The following FGF12 variants were observed in gnomAD, a reference collection of about 807,000 sequenced individuals.
FGF12 encodes fibroblast growth factor 12.
In FGF12, 14 loss-of-function variants were observed where a neutral mutation model predicts 23.6. That is an observed-to-expected ratio of 0.59 (90% CI 0.39 to 0.93). The LOEUF is 0.93. Among genes scored for constraint, FGF12 ranks in the 40% least tolerant of loss-of-function variants. FGF12 has a pLI of 0.00. For missense variants in FGF12, 175 were observed against 217.8 expected (o/e 0.80, Z 1.24); for synonymous variants, 62 against 77.3 (o/e 0.80, Z 1.04).
Position 192,239,982 on chromosome 3 carries a change from G to A in FGF12, c.229-69326C>T, listed in dbSNP as rs79538818. On this transcript the variant is annotated intron_variant, in intron 4 of 5. Transcript: ENST00000445105. ...TGTATTAGACACTATGGGTGCAGGG[G>A]GGAAGATCCCAGAAATAATAGTCTT... Among the ~76,000 whole-genome samples the A allele has an allele frequency of 6.6e-3, 1,008 of 152,242 alleles. 4 individuals carry two copies. Among genetic ancestry groups the A allele is most frequent in the African/African-American group, 0.023 (965 of 41,548 alleles).
intron 4 of FGF12, among the ~76,000 whole-genome samples, chr3:192,184,136 A>G (rs1320735622): frequency 6.6e-6 from 1 of 152,038 alleles, no homozygotes; most frequent in Non-Finnish European, 1.5e-5. Context: ...AGGTGGGAGG[A>G]TAGCTTGGGC....
At chr3:192,551,753 GA>G (rs200354065) in intron 2 of FGF12, among the ~76,000 whole-genome samples, 13 of 147,024 alleles carry the variant, frequency 8.8e-5, no homozygotes, top group South Asian at 8.6e-4. Flanking sequence ...ACTCCTCAAA[GA>G]AAAAAAAAAT....
intron 2 of FGF12, among the ~76,000 whole-genome samples, chr3:192,479,105 G>C (rs1393580617): frequency 6.6e-6 from 1 of 152,160 alleles, no homozygotes; most frequent in African/African-American, 2.4e-5. Context: ...CCTTCTTTTA[G>C]TTCTTCTTTT....
chr3:192,709,535 G>A (rs1049817579), intron 2 of FGF12, among the ~76,000 whole-genome samples: 1 of 152,164 alleles, frequency 6.6e-6, no homozygotes, highest in Non-Finnish European at 1.5e-5. Flanking sequence ...ATTACTATGA[G>A]ACTCAAGAAA....
intron 2 of FGF12, among the ~76,000 whole-genome samples, chr3:192,462,390 A>G (rs1014547307): frequency 2.0e-5 from 3 of 152,048 alleles, no homozygotes; most frequent in African/African-American, 7.2e-5. Flanking sequence ...TGGTGGCTCT[A>G]CATGAAGAGG....
At chr3:192,614,489 A>C (rs1340506329) in intron 2 of FGF12, among the ~76,000 whole-genome samples, 1 of 151,934 alleles carries the variant, frequency 6.6e-6, no homozygotes, top group Non-Finnish European at 1.5e-5. Context: ...AAAAAAAGAA[A>C]CTATTTCATT....
At chr3:192,366,127 A>G (rs1560087250) in intron 2 of FGF12, among the ~76,000 whole-genome samples, 1 of 152,078 alleles carries the variant, frequency 6.6e-6, no homozygotes, top group Non-Finnish European at 1.5e-5. Context: ...TCCTTTCCAA[A>G]GAGCAAAATC....
chr3:192,165,537 T>C (rs1240528598), intron 5 of FGF12, among the ~76,000 whole-genome samples: 1 of 146,854 alleles, frequency 6.8e-6, no homozygotes, highest in African/African-American at 2.5e-5. Context: ...TTTTTTTTGC[T>C]GAGTGGAAAT....
intron 2 of FGF12, among the ~76,000 whole-genome samples, chr3:192,565,737 A>G (rs1425173877): frequency 2.0e-5 from 3 of 152,192 alleles, no homozygotes; most frequent in South Asian, 2.1e-4. Context: ...CAATTTTCAC[A>G]CAAAGACAGA....
At chr3:192,665,610 TG>T (rs1160273723) in intron 2 of FGF12, among the ~76,000 whole-genome samples, 10 of 27,256 alleles carry the variant, frequency 3.7e-4, no homozygotes, top group African/African-American at 1.5e-3. Context: ...CTTTTGGGGG[TG>T]GGGGGCAAGG....
intron 4 of FGF12, among the ~76,000 whole-genome samples, chr3:192,274,530 G>C (rs540905095): frequency 6.6e-6 from 1 of 152,230 alleles, no homozygotes; most frequent in South Asian, 2.1e-4. Context: ...GTGTAAACCA[G>C]GGTCGTCAGA....
At chr3:192,445,555 C>G (rs764098416) in intron 2 of FGF12, among the ~76,000 whole-genome samples, 9 of 152,174 alleles carry the variant, frequency 5.9e-5, no homozygotes, top group Non-Finnish European at 1.3e-4. Flanking sequence ...CAAGAACATC[C>G]TTATCCAGGG....
At chr3:192,472,144 G>A (rs1723192435) in intron 2 of FGF12, among the ~76,000 whole-genome samples, 1 of 152,062 alleles carries the variant, frequency 6.6e-6, no homozygotes, top group African/African-American at 2.4e-5. Flanking sequence ...AGCCTCCTGA[G>A]TAGCTGGGAC....
intron 2 of FGF12, among the ~76,000 whole-genome samples, chr3:192,462,767 A>G (rs1286705942): frequency 6.6e-6 from 1 of 152,172 alleles, no homozygotes. Context: ...TAGACTTAAT[A>G]CATTTTAAAA....
At chr3:192,463,170 G>A (rs1013114360) in intron 2 of FGF12, among the ~76,000 whole-genome samples, 1 of 152,186 alleles carries the variant, frequency 6.6e-6, no homozygotes, top group Admixed American at 6.5e-5. Context: ...TATAATCCCA[G>A]CACTTTGTGG....
intron 2 of FGF12, among the ~76,000 whole-genome samples, chr3:192,654,310 A>T (rs1716317426): frequency 1.3e-5 from 2 of 152,166 alleles, no homozygotes; most frequent in Non-Finnish European, 2.9e-5. Flanking sequence ...GCAGTGTCAC[A>T]CAGGACAGCA....
rs868170066 is a variant in FGF12, at chr3:192,727,186, C to A, written c.8G>T (p.Ser3Ile). The A allele has an allele frequency of 1.3e-6, 2 of 1,580,318 alleles. No homozygotes were observed. Among genetic ancestry groups the A allele is most frequent in the Non-Finnish European group, 1.7e-6 (2 of 1,162,972 alleles). The change falls in exon 2 of 6, where the codon AGC (serine) becomes ATC (isoleucine). Residue 3 changes from serine to isoleucine, a missense_variant. By Grantham distance (142) the Ser-to-Ile change is moderately radical. Coordinates refer to ENST00000445105, the MANE Select transcript of FGF12 (RefSeq NM_004113.6). ...CGATAGGGACAACCACATACCTTTG[C>A]TCTCCATTTCGGTCCCTTTCGAGTG... The part of the protein sequence containing the change: ME[S>I]KEPQLKGIVT...
At chr3:192,676,847 C>T (rs1717342650) in intron 2 of FGF12, among the ~76,000 whole-genome samples, 1 of 152,200 alleles carries the variant, frequency 6.6e-6, no homozygotes, top group Non-Finnish European at 1.5e-5. Context: ...CAGACTATCC[C>T]TAATATTTCT....
At chr3:192,411,690 GAC>G (rs1289670205) in intron 2 of FGF12, among the ~76,000 whole-genome samples, 1 of 152,236 alleles carries the variant, frequency 6.6e-6, no homozygotes, top group African/African-American at 2.4e-5. Context: ...GAGCAAGGCA[GAC>G]ACAGATAGTA....
Sources: allele counts gnomAD v4.1 joint callset (sites outside exome capture counted in the v4.1 genomes callset), GRCh38; gene constraint gnomAD v4.1.1; transcripts MANE v1.5; gene names NCBI Gene and HGNC (gene_info 2026-07-23, HGNC 2026-07-21).